SGSM1: variants seen among roughly 807,000 people sequenced by gnomAD.
SGSM1 encodes the protein RUN and TBC1 domain containing 2.
Under a neutral mutation model 133.8 loss-of-function variants are expected in SGSM1, and 73 were observed. The observed-to-expected ratio is 0.55, with a 90% CI of 0.45 to 0.66. SGSM1 has a LOEUF of 0.66. SGSM1 is among the 30% of genes least tolerant of loss of function. The probability of loss-of-function intolerance (pLI) is 0.00; values close to 1 mark genes in which losing one functional copy is unlikely to be tolerated. For synonymous variants in SGSM1, 563 were observed against 573.0 expected (o/e 0.98, Z 0.25); for missense variants, 1,213 against 1,448.1 (o/e 0.84, Z 2.64).
chr22:24,886,563 G>A (rs1271742011), intron 15 of SGSM1, 37 bp from the exon 16 acceptor site: 1 of 1,544,532 alleles, frequency 6.5e-7, no homozygotes, highest in Non-Finnish European at 8.8e-7. Flanking sequence ...CTGGTTTTCT[G>A]TTGACCAAAC....
intron 3 of SGSM1, among the ~76,000 whole-genome samples, chr22:24,846,134 G>T (rs563772246): frequency 6.7e-6 from 1 of 150,042 alleles, no homozygotes; most frequent in Non-Finnish European, 1.5e-5. Flanking sequence ...AACCTCCTGG[G>T]CTCAAGCGTA....
chr22:24,920,820 G>A lies in SGSM1; in HGVS notation c.3193+827G>A, dbSNP rs902777725. On this transcript the variant is annotated intron_variant, in intron 24 of 24. Transcript: ENST00000400358. ...ATTGAGAACTGTTTTAGATTTAGAT[G>A]TACAGAGAATGCACGATACCTTGGC... 7.2e-5 allele frequency among the ~76,000 whole-genome samples: 11 copies of A among 152,182 alleles called. No individual in the cohort carries two copies. The South Asian group carries it at 1.2e-3, about 17-fold the overall frequency.
chr22:24,879,552 G>T, intron 14 of SGSM1, 26 bp downstream of exon 14: 1 of 1,608,436 alleles, frequency 6.2e-7, no homozygotes, highest in Non-Finnish European at 8.5e-7. Context: ...CATTGCCAGT[G>T]TGTCTCCGTG....
intron 19 of SGSM1, among the ~76,000 whole-genome samples, chr22:24,900,817 C>T (rs926527419): frequency 9.2e-5 from 14 of 152,220 alleles, no homozygotes; most frequent in African/African-American, 3.4e-4. Context: ...TCACTCCTGG[C>T]ACCTTCTTTC....
chr22:24,911,888 A>G (rs1933637641), intron 21 of SGSM1, among the ~76,000 whole-genome samples: 1 of 152,032 alleles, frequency 6.6e-6, no homozygotes, highest in Admixed American at 6.6e-5. Context: ...CCCCGTCTCT[A>G]CTAAAAAGAC....
At chr22:24,909,920 T>C (rs1303818691) in intron 21 of SGSM1, among the ~76,000 whole-genome samples, 1 of 152,186 alleles carries the variant, frequency 6.6e-6, no homozygotes, top group African/African-American at 2.4e-5. Flanking sequence ...TTATTCATAA[T>C]ACCCAAAAAA....
chr22:24,893,675 G>A, intron 17 of SGSM1, 62 bp downstream of exon 17: 1 of 1,466,508 alleles, frequency 6.8e-7, no homozygotes, highest in Non-Finnish European at 9.0e-7. Context: ...TGCTTCATTG[G>A]GCTGTTCTAA....
chr22:24,924,503 C>T lies in SGSM1; in HGVS notation c.*229C>T. ...TTTTCCTGTTTGACCAAAGATTGCC[C>T]AAGTCTGGCGTTCCTCCCTTGCAGG... On this transcript the variant is annotated 3_prime_UTR_variant, in exon 25 of 25. Coordinates refer to ENST00000400358, the MANE Select transcript of SGSM1 (RefSeq NM_001098497.3). 1 of 536,294 alleles carries T rather than the reference C, an allele frequency of 1.9e-6. No individual in the cohort carries two copies. Among genetic ancestry groups the T allele is most frequent in the Non-Finnish European group, 3.3e-6 (1 of 299,138 alleles). 33.2% of individuals were successfully genotyped at this position (536,294 alleles called of 1,614,324 possible).
intron 23 of SGSM1, among the ~76,000 whole-genome samples, chr22:24,919,408 G>C (rs529381022): frequency 4.6e-5 from 7 of 152,118 alleles, no homozygotes; most frequent in Non-Finnish European, 1.0e-4. Flanking sequence ...AGAGGCCACA[G>C]CCGGCTCTGC....
chr22:24,853,978 C>T (rs145544282), intron 5 of SGSM1, among the ~76,000 whole-genome samples: 2,542 of 150,084 alleles, frequency 0.017, 54 homozygotes, highest in African/African-American at 0.058. Flanking sequence ...AAGCAGAAAC[C>T]CCTGATAAAC....
At chr22:24,822,962 G>A (rs912583659) in intron 2 of SGSM1, among the ~76,000 whole-genome samples, 6 of 152,198 alleles carry the variant, frequency 3.9e-5, no homozygotes, top group Non-Finnish European at 7.3e-5. Flanking sequence ...AGTGTGTAAA[G>A]CACCCAGTTG....
chr22:24,908,926 G>A (rs139634307), intron 21 of SGSM1, among the ~76,000 whole-genome samples: 1 of 144,970 alleles, frequency 6.9e-6, no homozygotes, highest in Non-Finnish European at 1.6e-5. Context: ...CACATTAAGG[G>A]ATGCTCTACA....
chr22:24,855,633 T>G lies in SGSM1; in HGVS notation c.754T>G (p.Ser252Ala), dbSNP rs1271957580. ...CTACGTGGAGTCCCTGCATCAGAAC[T>G]CCCGTGCCACCCTTCTCTATGGCAA... is the stretch of plus-strand genomic sequence containing the variant. ...RDYVESLHQN[S>A]RATLLYGKNN... is the part of the protein sequence containing the mutation. Residue 252 changes from serine (S) to alanine (A), a missense_variant, in exon 8 of 25, where the codon TCC becomes GCC. By Grantham distance (99) the Ser-to-Ala change is moderately conservative. Coordinates refer to ENST00000400358, the MANE Select transcript of SGSM1 (RefSeq NM_001098497.3). 6.2e-7 allele frequency: 1 copy of G among 1,613,794 alleles called. No homozygotes were observed. The highest frequency in any genetic ancestry group is 1.3e-5 in the African/African-American group (1 of 74,894).
At chr22:24,811,546 A>G (rs1927742644) in intron 2 of SGSM1, among the ~76,000 whole-genome samples, 1 of 152,178 alleles carries the variant, frequency 6.6e-6, no homozygotes. Context: ...TAGGCCATAG[A>G]AGAGAGATTG....
intron 16 of SGSM1, among the ~76,000 whole-genome samples, chr22:24,888,862 A>G (rs139724): frequency 0.18 from 26,739 of 151,406 alleles, 2,455 homozygotes; most frequent in Middle Eastern, 0.26. Flanking sequence ...GTGATCTATG[A>G]ATCTGTCCTT....
At chr22:24,877,864 G>T (rs372822338) in intron 13 of SGSM1, among the ~76,000 whole-genome samples, 3 of 127,448 alleles carry the variant, frequency 2.4e-5, no homozygotes, top group African/African-American at 8.9e-5. Flanking sequence ...AGGCTGGAGT[G>T]CAATGGCATG....
chr22:24,829,228 C>G (rs1008853315), intron 2 of SGSM1, among the ~76,000 whole-genome samples: 12 of 151,778 alleles, frequency 7.9e-5, no homozygotes, highest in South Asian at 2.1e-4. Flanking sequence ...TCATATCCTT[C>G]GCAGGAGCAG....
At chr22:24,878,876 G>T (rs1325772283) in intron 13 of SGSM1, among the ~76,000 whole-genome samples, 2 of 152,186 alleles carry the variant, frequency 1.3e-5, no homozygotes, top group Non-Finnish European at 2.9e-5. Flanking sequence ...AAGTACAAAA[G>T]GAAATTTGTT....
At chr22:24,900,414 T>TCTCTCTTTCTCTCTTTC (rs1484572431) in intron 19 of SGSM1, among the ~76,000 whole-genome samples, 4 of 146,150 alleles carry the variant, frequency 2.7e-5, no homozygotes, top group African/African-American at 1.0e-4. Context: ...TTTCTGTATT[T>TCTCTCTTTCTCTCTTTC]TTGAGACAGA....
Sources: gnomAD v4.1 joint callset for allele counts (sites outside exome capture counted in the v4.1 genomes callset) on GRCh38, gnomAD v4.1.1 for gene constraint, MANE v1.5 for transcripts, NCBI Gene and HGNC (gene_info 2026-07-23, HGNC 2026-07-21) for gene names.